GNG4: variants seen among roughly 807,000 people sequenced by gnomAD.
The protein encoded by GNG4 is guanine nucleotide-binding protein G(I)/G(S)/G(O) subunit gamma-4.
A neutral mutation model predicts 5.8 loss-of-function variants in GNG4; 4 were observed. The ratio of observed to expected loss-of-function variants is 0.69; its 90% CI spans 0.34 to 1.57. GNG4 has a LOEUF of 1.57. GNG4 is among the 40% of genes most tolerant of loss of function. The pLI is 0.06. For missense variants in GNG4, 96 were observed against 95.1 expected (o/e 1.01, Z -0.04); for synonymous variants, 29 against 32.9 (o/e 0.88, Z 0.41).
At chr1:235,584,707 T>A (rs889607456) in intron 2 of GNG4, among the ~76,000 whole-genome samples, 4 of 152,066 alleles carry the variant, frequency 2.6e-5, no homozygotes, top group Non-Finnish European at 5.9e-5. Flanking sequence ...AATTGCCCCG[T>A]CTAATGAGAA....
intron 2 of GNG4, among the ~76,000 whole-genome samples, chr1:235,593,498 G>A (rs2774319): frequency 0.37 from 56,056 of 152,050 alleles, 11,186 homozygotes; most frequent in East Asian, 0.79. Flanking sequence ...CCGGCCTTCC[G>A]GACAATGCCC....
At chr1:235,578,347 C>T (rs187667076) in intron 3 of GNG4, among the ~76,000 whole-genome samples, 66 of 152,258 alleles carry the variant, frequency 4.3e-4, no homozygotes, top group African/African-American at 1.5e-3. Context: ...TTTAGTACAG[C>T]CATTTTGGAA....
chr1:235,557,450 C>T (rs916898602), intron 3 of GNG4, among the ~76,000 whole-genome samples: 5 of 151,934 alleles, frequency 3.3e-5, no homozygotes, highest in Non-Finnish European at 5.9e-5. Context: ...CACCCCCTTT[C>T]CCCCCGGCCC....
In GNG4 at chr1:235,588,604, C is replaced by A. The variant is rs372593427; in HGVS notation, c.-10-4756G>T. ...TCAGCGCTGCTGGAGAGACCCCCCC[C>A]ACTAAACTCTGCCCATCAGACATCC... On this transcript the variant is annotated intron_variant, in intron 2 of 3. Coordinates refer to ENST00000391854, the MANE Select transcript of GNG4 (RefSeq NM_001098722.2). Among the ~76,000 whole-genome samples the A allele has an allele frequency of 4.3e-4, 65 of 152,210 alleles. No individual in the cohort carries two copies. The East Asian group carries it at 0.011, about 26-fold the overall frequency.
chr1:235,612,011 C>G (rs898876978), intron 1 of GNG4, among the ~76,000 whole-genome samples: 2 of 123,226 alleles, frequency 1.6e-5, no homozygotes, highest in Admixed American at 1.1e-4. Flanking sequence ...TTACAATGAG[C>G]TGAGATTGTG....
At chr1:235,645,079 A>G (rs189256789) in intron 1 of GNG4, among the ~76,000 whole-genome samples, 368 of 152,294 alleles carry the variant, frequency 2.4e-3, no homozygotes, top group Non-Finnish European at 3.3e-3. Context: ...CTGCAAAGCC[A>G]GGCTGCCTGT....
At chr1:235,552,411 T>C (rs28428575) in intron 3 of GNG4, among the ~76,000 whole-genome samples, 174 bp from the exon 4 acceptor site, 2 of 152,062 alleles carry the variant, frequency 1.3e-5, no homozygotes, top group African/African-American at 4.8e-5. Flanking sequence ...TCTAGGAGAC[T>C]GGTTCGAAGC....
At chr1:235,630,115 A>G (rs1688902698) in intron 1 of GNG4, among the ~76,000 whole-genome samples, 1 of 152,198 alleles carries the variant, frequency 6.6e-6, no homozygotes, top group African/African-American at 2.4e-5. Flanking sequence ...ATACTACAAT[A>G]GGATTAGAGT....
At chr1:235,638,360 C>G (rs1194004166) in intron 1 of GNG4, among the ~76,000 whole-genome samples, 1 of 152,108 alleles carries the variant, frequency 6.6e-6, no homozygotes, top group African/African-American at 2.4e-5. Context: ...TGAAATGGGT[C>G]TCGATGGACT....
At chr1:235,618,817 G>C (rs886337166) in intron 1 of GNG4, among the ~76,000 whole-genome samples, 2 of 151,426 alleles carry the variant, frequency 1.3e-5, no homozygotes, top group African/African-American at 4.8e-5. Flanking sequence ...CACCCCACCT[G>C]GCTAATTTTT....
intron 1 of GNG4, among the ~76,000 whole-genome samples, chr1:235,643,098 G>A (rs561341322): frequency 2.0e-5 from 3 of 152,190 alleles, no homozygotes; most frequent in Non-Finnish European, 4.4e-5. Flanking sequence ...CCACGCCTCC[G>A]ACCTTCCCCA....
At chr1:235,598,670 C>T (rs1000487858) in intron 1 of GNG4, among the ~76,000 whole-genome samples, 3 of 151,774 alleles carry the variant, frequency 2.0e-5, no homozygotes, top group African/African-American at 4.8e-5. Flanking sequence ...ACCCCAGGCC[C>T]TTTAAGCCAC....
chr1:235,578,365 G>A (rs192151077), intron 3 of GNG4, among the ~76,000 whole-genome samples: 119 of 152,288 alleles, frequency 7.8e-4, no homozygotes, highest in African/African-American at 2.8e-3. Flanking sequence ...GAAAACTGTG[G>A]ATGTTTTTCA....
At chr1:235,593,656 G>A (rs539267926) in intron 2 of GNG4, among the ~76,000 whole-genome samples, 1 of 152,266 alleles carries the variant, frequency 6.6e-6, no homozygotes, top group African/African-American at 2.4e-5. Context: ...GGATATGTTT[G>A]GAGTTTCTTA....
intron 1 of GNG4, among the ~76,000 whole-genome samples, chr1:235,600,100 CTTTTTTTTTTTT>C (rs533853180): frequency 4.4e-4 from 19 of 43,136 alleles, no homozygotes; most frequent in South Asian, 9.4e-4. Flanking sequence ...CGGAAGAAAG[CTTTTTTTTTTTT>C]TTTTTTTTTT....
chr1:235,623,154 A>G (rs951162388), intron 1 of GNG4, among the ~76,000 whole-genome samples: 12 of 152,166 alleles, frequency 7.9e-5, no homozygotes, highest in African/African-American at 2.9e-4. Flanking sequence ...CTGACCAGAA[A>G]GACAGGGTTT....
Position 235,552,186 on chromosome 1 carries a change from C to G in GNG4, c.151G>C (p.Glu51Gln). The G allele has an allele frequency of 6.2e-7, 1 of 1,613,996 alleles. No individual in the cohort carries two copies. The highest frequency in any genetic ancestry group is 1.7e-5 in the Admixed American group (1 of 60,034). The change falls in exon 4 of 4, where the codon GAA becomes CAA. Residue 51 changes from glutamate to glutamine, a missense_variant. By Grantham distance (29) the Glu-to-Gln change is conservative. Transcript: ENST00000391854. Reference protein sequence around the residue: ...LLAYCEAHVREDPLIIPVPAS... With the variant: ...LLAYCEAHVRQDPLIIPVPAS... ...GGCACTGGAATGATGAGAGGATCTTCCCGCACGTGAGCTTCACAGTAGGCC... is the reference window on the plus strand; with the variant it reads ...GGCACTGGAATGATGAGAGGATCTTGCCGCACGTGAGCTTCACAGTAGGCC...
intron 3 of GNG4, among the ~76,000 whole-genome samples, chr1:235,583,400 G>C (rs1687689956): frequency 6.6e-6 from 1 of 152,206 alleles, no homozygotes; most frequent in East Asian, 1.9e-4. Context: ...GAACCTCAAA[G>C]GCACTGTATC....
intron 1 of GNG4, among the ~76,000 whole-genome samples, chr1:235,636,545 TGAGACCTCCCATCA>T (rs1184559486): frequency 2.6e-5 from 4 of 152,172 alleles, no homozygotes; most frequent in South Asian, 4.1e-4. Context: ...GTGCCCACGC[TGAGACCTCCCATCA>T]GAGACCTCCC....
Sources: gnomAD v4.1 joint callset for allele counts (sites outside exome capture counted in the v4.1 genomes callset) on GRCh38, gnomAD v4.1.1 for gene constraint, MANE v1.5 for transcripts, NCBI Gene and HGNC (gene_info 2026-07-23, HGNC 2026-07-21) for gene names.